ATP10A: variants seen among roughly 807,000 people sequenced by gnomAD.
ATP10A encodes the protein ATPase phospholipid transporting 10A (putative), also known as phospholipid-transporting ATPase VA.
In ATP10A, 111 loss-of-function variants were observed where a neutral mutation model predicts 147.8. The observed-to-expected ratio is 0.75, with a 90% CI of 0.64 to 0.88. ATP10A has a LOEUF of 0.88. Ranked by LOEUF, ATP10A falls within the 40% of genes least tolerant of loss-of-function variation. The pLI, the probability that ATP10A is intolerant of heterozygous loss-of-function variation, is 0.00. For synonymous variants in ATP10A, 875 were observed against 841.6 expected (o/e 1.04, Z -0.69); for missense variants, 1,927 against 1,959.0 (o/e 0.98, Z 0.31).
chr15:25,818,091 G>A (rs531235742), intron 1 of ATP10A, among the ~76,000 whole-genome samples: 1 of 133,956 alleles, frequency 7.5e-6, no homozygotes, highest in East Asian at 2.0e-4. Flanking sequence ...TTTAAAAAAA[G>A]CAATTTGCAT....
intron 1 of ATP10A, among the ~76,000 whole-genome samples, chr15:25,833,346 TC>T (rs1892446039): frequency 6.6e-6 from 1 of 152,044 alleles, no homozygotes; most frequent in Admixed American, 6.6e-5. Flanking sequence ...CTGGCCATTC[TC>T]CCCAAAAGAC....
At chr15:25,736,636 T>C (rs982083982) in intron 2 of ATP10A, among the ~76,000 whole-genome samples, 8 of 152,170 alleles carry the variant, frequency 5.3e-5, no homozygotes, top group African/African-American at 1.9e-4. Context: ...ACAACTTCTT[T>C]AGTATTCTGC....
downstream of ATP10A, among the ~76,000 whole-genome samples, chr15:25,675,509 G>A (rs1363493326): frequency 5.3e-5 from 8 of 152,072 alleles, no homozygotes; most frequent in African/African-American, 1.9e-4. Context: ...CTCAGGGCCC[G>A]TGTAACAGCA....
chr15:25,803,192 TG>T (rs1891017068), intron 1 of ATP10A, among the ~76,000 whole-genome samples: 1 of 152,180 alleles, frequency 6.6e-6, no homozygotes, highest in South Asian at 2.1e-4. Flanking sequence ...CCAGTGACAC[TG>T]GTCTGTGCTG....
At chr15:25,713,556 A>G (rs1901569426) in intron 10 of ATP10A, 118 bp downstream of exon 10, 10 of 1,079,482 alleles carry the variant, frequency 9.3e-6, no homozygotes, top group Non-Finnish European at 1.3e-5. Flanking sequence ...TCCAATGGGC[A>G]TTTCTGTTGG....
intron 2 of ATP10A, among the ~76,000 whole-genome samples, chr15:25,745,546 A>G (rs1887804276): frequency 6.6e-6 from 1 of 152,266 alleles, no homozygotes; most frequent in African/African-American, 2.4e-5. Flanking sequence ...ACAGAGCAAG[A>G]CCCCATCTCT....
In ATP10A at chr15:25,713,744, G is replaced by T. The variant is rs139578740; in HGVS notation, c.2274C>A (p.Thr758=). The T allele has an allele frequency of 3.7e-6, 6 of 1,613,946 alleles. No homozygotes were observed. The highest frequency in any genetic ancestry group is 2.2e-5 in the South Asian group (2 of 91,086). The change falls in exon 10 of 21, where the codon ACC becomes ACA. Residue 758 remains threonine, a synonymous_variant. Transcript: ENST00000555815. ...RMSVVIRHPL[T]DEINVYTKGA... is the part of the protein sequence containing the mutation. ...CCTTGGTGTAGACGTTGATCTCATC[G>T]GTAAGCGGGTGCCGGATCACCACTG... is the stretch of plus-strand genomic sequence containing the variant.
intron 1 of ATP10A, among the ~76,000 whole-genome samples, chr15:25,851,138 C>T (rs1389448148): frequency 1.3e-5 from 2 of 152,054 alleles, no homozygotes; most frequent in African/African-American, 4.8e-5. Context: ...CAGGACCTTT[C>T]TAGAAAAGTC....
chr15:25,739,217 G>A (rs1325918768), intron 2 of ATP10A, among the ~76,000 whole-genome samples: 1 of 152,154 alleles, frequency 6.6e-6, no homozygotes, highest in East Asian at 1.9e-4. Context: ...TTACAGGCGT[G>A]AGCCACTGCA....
intron 1 of ATP10A, among the ~76,000 whole-genome samples, chr15:25,833,512 T>G (rs1892456553): frequency 6.6e-6 from 1 of 152,150 alleles, no homozygotes; most frequent in African/African-American, 2.4e-5. Flanking sequence ...AGAGTACCCC[T>G]ACCACACTTC....
Position 25,721,693 on chromosome 15 carries a change from T to G in ATP10A, c.1327A>C (p.Thr443Pro). The change falls in exon 7 of 21, where the codon ACT (threonine) becomes CCT (proline). Residue 443 changes from threonine to proline, a missense_variant. Coordinates refer to ENST00000555815, the MANE Select transcript of ATP10A (RefSeq NM_024490.4). ...TENKMVFRRC[T>P]VSGVEYSHDA... ...TGAGAATATTCTACACCAGACACAG[T>G]GCATCTTCGGAAAACCATCTTATTC... 6.2e-7 allele frequency: 1 copy of G among 1,614,060 alleles called. No individual in the cohort carries two copies.
At chr15:25,777,036 C>A (rs949988871) in intron 2 of ATP10A, among the ~76,000 whole-genome samples, 2 of 151,962 alleles carry the variant, frequency 1.3e-5, no homozygotes, top group South Asian at 2.1e-4. Context: ...ACGTATTGGT[C>A]CCATGGCTGG....
At chr15:25,818,283 G>C (rs527358221) in intron 1 of ATP10A, among the ~76,000 whole-genome samples, 41 of 152,074 alleles carry the variant, frequency 2.7e-4, no homozygotes, top group Middle Eastern at 3.4e-3. Context: ...CAAAATATTT[G>C]CTCTTTATAG....
chr15:25,730,258 C>G (rs754020725), intron 3 of ATP10A, among the ~76,000 whole-genome samples: 1 of 150,382 alleles, frequency 6.6e-6, no homozygotes, highest in Non-Finnish European at 1.5e-5. Flanking sequence ...GCCAAGATCG[C>G]GCCACTGCAC....
At chr15:25,860,321 C>T (rs1047612774) in intron 1 of ATP10A, among the ~76,000 whole-genome samples, 3 of 152,284 alleles carry the variant, frequency 2.0e-5, no homozygotes, top group African/African-American at 4.8e-5. Flanking sequence ...TGCACTGGGA[C>T]GCCTCGCCAG....
In ATP10A at chr15:25,679,569, G is replaced by T. The variant is rs758961668; in HGVS notation, c.4272C>A (p.Thr1424=). ...KVRAASTGRV[T]PLSSLFSLPT... ...GCAGGCTGAAGAGGGAAGACAGGGG[G>T]GTCACCCTGCCGGTGCTGGCAGCTC... Residue 1424 remains threonine (T), a synonymous_variant, in exon 21 of 21, where the codon ACC becomes ACA. Coordinates refer to ENST00000555815, the MANE Select transcript of ATP10A (RefSeq NM_024490.4). 1.2e-5 allele frequency: 20 copies of T among 1,610,942 alleles called. No individual in the cohort carries two copies. The highest frequency in any genetic ancestry group is 1.6e-5 in the Non-Finnish European group (19 of 1,177,720).
chr15:25,738,202 CT>C (rs1887394797), intron 2 of ATP10A, among the ~76,000 whole-genome samples: 1 of 152,216 alleles, frequency 6.6e-6, no homozygotes, highest in African/African-American at 2.4e-5. Flanking sequence ...ATGTCTACCC[CT>C]GACTCATTCC....
At chr15:25,719,602 A>G (rs1053308206) in intron 7 of ATP10A, among the ~76,000 whole-genome samples, 1 of 118,302 alleles carries the variant, frequency 8.5e-6, no homozygotes, top group Non-Finnish European at 1.7e-5. Flanking sequence ...CCGGAGCTCC[A>G]TGGAGCCATC....
rs144210517 is a variant in ATP10A at position 25,713,750 on chromosome 15, C to G, written c.2268G>C (p.Pro756=). 3.7e-6 allele frequency: 6 copies of G among 1,613,942 alleles called. No homozygotes were observed. In the African/African-American group the frequency reaches 8.0e-5, roughly 22 times the overall value. ...RKRMSVVIRH[P]LTDEINVYTK... ...TGTAGACGTTGATCTCATCGGTAAG[C>G]GGGTGCCGGATCACCACTGACATCC... Residue 756 remains proline, a synonymous_variant, in exon 10 of 21, where the codon CCG becomes CCC. Transcript: ENST00000555815.
Sources: gnomAD v4.1 joint callset for allele counts (sites outside exome capture counted in the v4.1 genomes callset) on GRCh38, gnomAD v4.1.1 for gene constraint, MANE v1.5 for transcripts, NCBI Gene and HGNC (gene_info 2026-07-23, HGNC 2026-07-21) for gene names.